GRIA2: variants seen among roughly 807,000 people sequenced by gnomAD.
The protein encoded by GRIA2 is glutamate receptor 2.
Under a neutral mutation model 97.3 loss-of-function variants are expected in GRIA2, and 14 were observed. That is an observed-to-expected ratio of 0.14 (90% CI 0.10 to 0.23). GRIA2 has a LOEUF of 0.23. Among genes scored for constraint, GRIA2 ranks in the 10% least tolerant of loss-of-function variants. The probability of loss-of-function intolerance (pLI) is 1.00; values close to 1 mark genes in which losing one functional copy is unlikely to be tolerated. For synonymous variants in GRIA2, 412 were observed against 387.8 expected (o/e 1.06, Z -0.73); for missense variants, 558 against 1,069.8 (o/e 0.52, Z 6.67).
At position 157,355,819 on chromosome 4, in the gene GRIA2, A is replaced by G. The variant is rs1579389413; in HGVS notation, c.2044-4077A>G. Among the ~76,000 whole-genome samples the G allele has an allele frequency of 3.8e-5, 3 of 78,972 alleles. No homozygotes were observed. In the South Asian group the frequency reaches 1.9e-3, roughly 50 times the overall value. 51.8% of individuals were successfully genotyped at this position (78,972 alleles called of 152,430 possible). A position where few individuals can be genotyped will look rare whatever the true frequency, so the allele number is the denominator to read the frequency against. ...TTATATATATTTATATATTAGTTATATATATTTATATATATTTTTATATAT... is the reference window on the plus strand; with the variant it reads ...TTATATATATTTATATATTAGTTATGTATATTTATATATATTTTTATATAT... On this transcript the variant is annotated intron_variant, in intron 12 of 15. Coordinates refer to ENST00000264426, the MANE Select transcript of GRIA2 (RefSeq NM_001083619.3).
intron 2 of GRIA2, among the ~76,000 whole-genome samples, chr4:157,225,737 A>G (rs1239124627): frequency 6.6e-6 from 1 of 150,662 alleles, no homozygotes. Context: ...TAGGAACTTT[A>G]GTATGAGGAT....
chr4:157,251,389 T>C (rs1437419326), intron 2 of GRIA2, among the ~76,000 whole-genome samples: 1 of 152,080 alleles, frequency 6.6e-6, no homozygotes, highest in East Asian at 1.9e-4. Context: ...TAAAAAACAA[T>C]GTGGATTCCC....
intron 2 of GRIA2, among the ~76,000 whole-genome samples, chr4:157,262,096 G>T (rs1731562688): frequency 6.6e-6 from 1 of 151,894 alleles, no homozygotes; most frequent in Non-Finnish European, 1.5e-5. Flanking sequence ...GACCAAAATT[G>T]TCTTTAACTT....
intron 2 of GRIA2, among the ~76,000 whole-genome samples, chr4:157,260,700 GA>G (rs1731492601): frequency 6.6e-6 from 1 of 151,634 alleles, no homozygotes; most frequent in African/African-American, 2.4e-5. Context: ...TATCACTTTG[GA>G]AAAAAAGGGA....
At chr4:157,342,969 T>A (rs1288485231) in intron 12 of GRIA2, among the ~76,000 whole-genome samples, 1 of 152,072 alleles carries the variant, frequency 6.6e-6, no homozygotes, top group Non-Finnish European at 1.5e-5. Flanking sequence ...ACTGAGTCAA[T>A]CATAGAAACA....
intron 6 of GRIA2, among the ~76,000 whole-genome samples, chr4:157,332,375 A>G (rs1324791739): frequency 6.6e-6 from 1 of 152,070 alleles, no homozygotes; most frequent in Non-Finnish European, 1.5e-5. Flanking sequence ...GGGTTGAATT[A>G]GAGACTAAGA....
intron 5 of GRIA2, among the ~76,000 whole-genome samples, chr4:157,320,315 C>T (rs1724983264): frequency 6.6e-6 from 1 of 151,852 alleles, no homozygotes; most frequent in African/African-American, 2.4e-5. Context: ...ATTACATACT[C>T]ATGTGGGATA....
chr4:157,335,342 A>G (rs1735234757), intron 9 of GRIA2: 2 of 297,330 alleles, frequency 6.7e-6, no homozygotes, highest in Non-Finnish European at 1.3e-5. Flanking sequence ...CTTGAATAAA[A>G]TAGGTTTTGA....
chr4:157,326,871 G>A (rs1006883758), intron 6 of GRIA2, among the ~76,000 whole-genome samples: 2 of 152,020 alleles, frequency 1.3e-5, no homozygotes, highest in African/African-American at 4.8e-5. Context: ...GCTGATCATG[G>A]CTTTGATACA....
intron 2 of GRIA2, among the ~76,000 whole-genome samples, chr4:157,277,403 C>G (rs564335071): frequency 1.3e-5 from 2 of 151,804 alleles, no homozygotes; most frequent in Non-Finnish European, 2.9e-5. Flanking sequence ...AGAATGTCTA[C>G]AAAACATCTG....
intron 12 of GRIA2, among the ~76,000 whole-genome samples, chr4:157,343,363 T>C (rs1160598982): frequency 6.6e-6 from 1 of 152,072 alleles, no homozygotes; most frequent in East Asian, 1.9e-4. Flanking sequence ...TATTTTGGGG[T>C]ATTTGATCAC....
chr4:157,249,935 TG>T (rs991771485), intron 2 of GRIA2: 17 of 152,264 alleles, frequency 1.1e-4, no homozygotes, highest in African/African-American at 3.8e-4. Context: ...GGACATATGC[TG>T]GGACCATTTC....
intron 3 of GRIA2, among the ~76,000 whole-genome samples, chr4:157,305,989 A>G (rs557034429): frequency 1.3e-5 from 2 of 152,286 alleles, no homozygotes; most frequent in South Asian, 4.1e-4. Context: ...TGCTAGAAAG[A>G]GAGTTAATGT....
chr4:157,353,580 G>T (rs1736116128), intron 12 of GRIA2, among the ~76,000 whole-genome samples: 1 of 151,992 alleles, frequency 6.6e-6, no homozygotes, highest in African/African-American at 2.4e-5. Context: ...GGAGGCTGAG[G>T]CAGGAGAATG....
chr4:157,303,712 C>T lies in GRIA2; in HGVS notation c.390C>T (p.Pro130=), dbSNP rs138262729. The T allele has an allele frequency of 3.2e-5, 51 of 1,613,802 alleles. No individual in the cohort carries two copies. The highest frequency in any genetic ancestry group is 4.1e-5 in the Non-Finnish European group (48 of 1,179,858). Residue 130 remains proline, a synonymous_variant, in exon 3 of 16, where the codon CCC becomes CCT. Transcript: ENST00000264426. ...GTHPFVIQMR[P]DLKGALLSLI... is the part of the protein sequence containing the mutation. ...ATCCATTTGTCATTCAGATGAGACC[C>T]GACCTCAAAGGAGCTCTCCTTAGCT...
chr4:157,313,046 G>A (rs1266587988), intron 4 of GRIA2, among the ~76,000 whole-genome samples, 171 bp downstream of exon 4: 1 of 152,080 alleles, frequency 6.6e-6, no homozygotes, highest in African/African-American at 2.4e-5. Context: ...GTTAGCAATA[G>A]CAAATGGTCA....
At chr4:157,247,864 C>A (rs574956599) in intron 2 of GRIA2, among the ~76,000 whole-genome samples, 2 of 152,154 alleles carry the variant, frequency 1.3e-5, no homozygotes, top group South Asian at 4.1e-4. Context: ...ACCATGCAGA[C>A]AGCATCAACA....
At chr4:157,272,773 GA>G (rs1436094246) in intron 2 of GRIA2, among the ~76,000 whole-genome samples, 6 of 152,076 alleles carry the variant, frequency 3.9e-5, no homozygotes, top group Admixed American at 2.6e-4. Context: ...AGCTGACCTA[GA>G]GAAGGGGAAA....
intron 12 of GRIA2, chr4:157,342,418 T>A: frequency 2.0e-6 from 2 of 983,904 alleles, no homozygotes; most frequent in South Asian, 4.7e-5. Context: ...CCATGGCTAA[T>A]AACAGATAGT....
Sources: allele counts gnomAD v4.1 joint callset (sites outside exome capture counted in the v4.1 genomes callset), GRCh38; gene constraint gnomAD v4.1.1; transcripts MANE v1.5; gene names NCBI Gene and HGNC (gene_info 2026-07-23, HGNC 2026-07-21).